Variants in PANK3 observed in about 807,000 individuals in gnomAD.
PANK3 encodes pantothenate kinase 3.
Under a neutral mutation model 39.4 loss-of-function variants are expected in PANK3, and 20 were observed. That is an observed-to-expected ratio of 0.51 (90% CI 0.36 to 0.74). The LOEUF (loss-of-function observed/expected upper bound fraction) is 0.74. PANK3 is among the 30% of genes least tolerant of loss of function. The pLI is 0.00. For synonymous variants in PANK3, 140 were observed against 157.3 expected (o/e 0.89, Z 0.82); for missense variants, 265 against 437.0 (o/e 0.61, Z 3.51).
intron 1 of PANK3, among the ~76,000 whole-genome samples, chr5:168,575,800 A>T (rs1389207207): frequency 1.3e-5 from 2 of 152,058 alleles, no homozygotes; most frequent in Non-Finnish European, 2.9e-5. Context: ...GAAAAAAAAT[A>T]AAAAGAAATA....
At chr5:168,569,026 A>AG in intron 1 of PANK3, 28 bp from the exon 2 acceptor site, 3 of 305,140 alleles carry the variant, frequency 9.8e-6, no homozygotes, top group Non-Finnish European at 1.4e-5. Flanking sequence ...AAAAAAAAAA[A>AG]AAAAATATAT....
intron 1 of PANK3, among the ~76,000 whole-genome samples, chr5:168,578,458 G>T (rs1456993256): frequency 6.6e-6 from 1 of 152,184 alleles, no homozygotes; most frequent in African/African-American, 2.4e-5. Flanking sequence ...GTCCTTCTGG[G>T]AGGCTATACT....
intron 5 of PANK3, among the ~76,000 whole-genome samples, chr5:168,560,245 G>T (rs538758932): frequency 6.6e-6 from 1 of 152,300 alleles, no homozygotes; most frequent in African/African-American, 2.4e-5. Context: ...ATGAGACCAA[G>T]TTCTGGATTT....
chr5:168,557,373 T>A lies in PANK3; in HGVS notation c.*198A>T, dbSNP rs1331051202. On this transcript the variant is annotated 3_prime_UTR_variant, in exon 7 of 7. Coordinates refer to ENST00000239231, the MANE Select transcript of PANK3 (RefSeq NM_024594.4). ...TGTATTGCATTTAAGGATTTAACACTGGCTATATACAAAAGGGAAAGCATT... is the reference window on the plus strand; with the variant it reads ...TGTATTGCATTTAAGGATTTAACACAGGCTATATACAAAAGGGAAAGCATT... 1.8e-6 allele frequency: 1 copy of A among 567,992 alleles called. No individual in the cohort carries two copies. The highest frequency in any genetic ancestry group is 3.1e-6 in the Non-Finnish European group (1 of 322,514). 35.2% of individuals were successfully genotyped at this position (567,992 alleles called of 1,614,324 possible).
intron 1 of PANK3, among the ~76,000 whole-genome samples, chr5:168,576,152 T>C (rs1338357397): frequency 6.6e-6 from 1 of 152,226 alleles, no homozygotes; most frequent in Non-Finnish European, 1.5e-5. Flanking sequence ...TAGAAACTAC[T>C]ACCCCAACTA....
chr5:168,561,039 T>C (rs1002908307), intron 5 of PANK3: 5 of 374,232 alleles, frequency 1.3e-5, no homozygotes, highest in Non-Finnish European at 2.3e-5. Context: ...GTGGTGAGCA[T>C]AGCTGCCTTC....
rs557252935 is a variant in PANK3 at position 168,553,930 on chromosome 5, T to C, written c.*3641A>G. 6.6e-6 allele frequency: 1 copy of C among 152,372 alleles called. No homozygotes were observed. Among genetic ancestry groups the C allele is most frequent in the African/African-American group, 2.4e-5 (1 of 41,580 alleles). The allele number at this position is 152,372 out of a possible 1,614,324, so 9.4% of individuals were successfully genotyped here. A position where few individuals can be genotyped will look rare whatever the true frequency, so the allele number is the denominator to read the frequency against. The stretch of plus-strand genomic sequence containing the variant: ...CAAAGCTAAATATTTTATTCTATTA[T>C]GAACAACGGCAACAAAACCACGTTT... On this transcript the variant is annotated 3_prime_UTR_variant, in exon 7 of 7. Coordinates refer to ENST00000239231, the MANE Select transcript of PANK3 (RefSeq NM_024594.4).
intron 3 of PANK3, among the ~76,000 whole-genome samples, chr5:168,565,665 G>C (rs970088407): frequency 1.3e-5 from 2 of 151,370 alleles, no homozygotes; most frequent in Non-Finnish European, 2.9e-5. Context: ...GATCCCAACT[G>C]ATGCTGACTA....
In PANK3 at chr5:168,551,707, T is replaced by C. The variant is rs998918344; in HGVS notation, c.*5864A>G. Reference sequence around the variant, plus strand: ...ACTTTGTGCTGCATCATTCTGCTTATAGAAACAGTCTTTAAGGGACTGGTA... The same window carrying C: ...ACTTTGTGCTGCATCATTCTGCTTACAGAAACAGTCTTTAAGGGACTGGTA... On this transcript the variant is annotated 3_prime_UTR_variant, in exon 7 of 7. Transcript: ENST00000239231. 16 of 152,268 alleles carry C rather than the reference T, an allele frequency of 1.1e-4. No homozygotes were observed. In the South Asian group the frequency reaches 1.5e-3, roughly 14 times the overall value. 9.4% of individuals were successfully genotyped at this position (152,268 alleles called of 1,614,324 possible).
chr5:168,558,286 G>A (rs565069855), intron 6 of PANK3, among the ~76,000 whole-genome samples: 4 of 150,368 alleles, frequency 2.7e-5, no homozygotes, highest in East Asian at 2.0e-4. Context: ...TCAGCCTCCC[G>A]AGTCGCTGGG....
chr5:168,571,780 G>A (rs1030356718), intron 1 of PANK3, among the ~76,000 whole-genome samples: 2 of 151,980 alleles, frequency 1.3e-5, no homozygotes, highest in African/African-American at 2.4e-5. Flanking sequence ...TTTTTAATAC[G>A]AGGAAGGAGT....
intron 1 of PANK3, among the ~76,000 whole-genome samples, chr5:168,576,898 G>C (rs1249978522): frequency 2.0e-5 from 3 of 151,532 alleles, no homozygotes; most frequent in Admixed American, 6.6e-5. Context: ...ATTATTATTT[G>C]AGACGGAGTG....
chr5:168,563,617 T>C (rs901931092), intron 4 of PANK3, among the ~76,000 whole-genome samples: 2 of 151,830 alleles, frequency 1.3e-5, no homozygotes, highest in Non-Finnish European at 2.9e-5. Context: ...CTTTTGTATA[T>C]GGGGAGAAAA....
In PANK3 at chr5:168,555,732, T is replaced by C. The variant is rs2113101144; in HGVS notation, c.*1839A>G. The C allele has an allele frequency of 6.6e-6, 1 of 152,350 alleles. No homozygotes were observed. The highest frequency in any genetic ancestry group is 1.5e-5 in the Non-Finnish European group (1 of 68,030). The allele number at this position is 152,350 out of a possible 1,614,324, so 9.4% of individuals were successfully genotyped here. A position where few individuals can be genotyped will look rare whatever the true frequency, so the allele number is the denominator to read the frequency against. On this transcript the variant is annotated 3_prime_UTR_variant, in exon 7 of 7. Coordinates refer to ENST00000239231, the MANE Select transcript of PANK3 (RefSeq NM_024594.4). ...TGGGTAGTGGCTACTGCACTGGACA[T>C]CGAAGTTCTAGAACTCTCTCTTACA...
chr5:168,560,027 C>T (rs528760087), intron 5 of PANK3, among the ~76,000 whole-genome samples: 3 of 152,318 alleles, frequency 2.0e-5, no homozygotes, highest in South Asian at 2.1e-4. Context: ...GACTCTCACA[C>T]TATACTGACT....
Position 168,552,814 on chromosome 5 carries a change from CTA to C in PANK3, c.*4755_*4756del, listed in dbSNP as rs1198877830. ...TAATATTAACCACTCCTGCACTAAT[CTA>C]TAGATTGGCTTCTCAACACCTGCAT... On this transcript the variant is annotated 3_prime_UTR_variant, in exon 7 of 7. Coordinates refer to ENST00000239231, the MANE Select transcript of PANK3 (RefSeq NM_024594.4). 1.6e-5 allele frequency: 3 copies of C among 185,484 alleles called. No homozygotes were observed. Among genetic ancestry groups the C allele is most frequent in the African/African-American group, 7.2e-5 (3 of 41,924 alleles). The allele number at this position is 185,484 out of a possible 1,614,324, so 11.5% of individuals were successfully genotyped here.
rs1173787066 is a variant in PANK3, at chr5:168,553,774, T to C, written c.*3797A>G. Reference sequence around the variant, plus strand: ...GCCAACAAAACCTTCAAAGTGTCCTTGGCAGCAAGTTTTCAGGTCCTCAGT... The same window carrying C: ...GCCAACAAAACCTTCAAAGTGTCCTCGGCAGCAAGTTTTCAGGTCCTCAGT... On this transcript the variant is annotated 3_prime_UTR_variant, in exon 7 of 7. Transcript: ENST00000239231. 6.5e-6 allele frequency: 1 copy of C among 154,320 alleles called. No individual in the cohort carries two copies. The highest frequency in any genetic ancestry group is 1.9e-4 in the East Asian group (1 of 5,226). The allele number at this position is 154,320 out of a possible 1,614,324, so 9.6% of individuals were successfully genotyped here.
intron 1 of PANK3, chr5:168,578,554 G>A (rs558376170): frequency 6.6e-6 from 1 of 152,250 alleles, no homozygotes; most frequent in African/African-American, 2.4e-5. Flanking sequence ...AACATAAAAG[G>A]AAGCAAATGA....
chr5:168,572,851 T>G (rs1759663371), intron 1 of PANK3, among the ~76,000 whole-genome samples: 1 of 152,080 alleles, frequency 6.6e-6, no homozygotes, highest in Non-Finnish European at 1.5e-5. Flanking sequence ...TGGGCGGTGT[T>G]TCTCAGGGCT....
Sources: allele counts gnomAD v4.1 joint callset (sites outside exome capture counted in the v4.1 genomes callset), GRCh38; gene constraint gnomAD v4.1.1; transcripts MANE v1.5; gene names NCBI Gene and HGNC (gene_info 2026-07-23, HGNC 2026-07-21).